The following COX7B2 variants were observed in gnomAD, a reference collection of about 807,000 sequenced individuals.
The protein encoded by COX7B2 is cytochrome c oxidase subunit 7B2, mitochondrial.
For missense variants in COX7B2, 109 were observed against 95.9 expected (o/e 1.14, Z -0.57); for synonymous variants, 37 against 32.1 (o/e 1.15, Z -0.51).
intron 2 of COX7B2, among the ~76,000 whole-genome samples, chr4:46,794,513 T>G (rs541077250): frequency 1.3e-3 from 198 of 152,242 alleles, no homozygotes; most frequent in South Asian, 3.1e-3. Flanking sequence ...AGACATGACT[T>G]TCACCAATAC....
Position 46,858,510 on chromosome 4 carries a change from GA to G in COX7B2, c.-104-13497del, listed in dbSNP as rs796768053. Among the ~76,000 whole-genome samples, 1,257 of 150,372 alleles carry G rather than the reference GA, an allele frequency of 8.4e-3. 21 individuals carry two copies. Among genetic ancestry groups the G allele is most frequent in the African/African-American group, 0.029 (1,199 of 40,970 alleles). On this transcript the variant is annotated intron_variant, in intron 1 of 2. Transcript: ENST00000355591. The stretch of plus-strand genomic sequence containing the variant: ...ATATTTAATACATTTTAAACATTAG[GA>G]AAAAAAAAGAGGAGGAAAGATATAA...
At chr4:46,751,118 A>G (rs1159419433) in intron 2 of COX7B2, among the ~76,000 whole-genome samples, 4 of 148,092 alleles carry the variant, frequency 2.7e-5, no homozygotes, top group Non-Finnish European at 6.0e-5. Context: ...TGGAATAGAC[A>G]TTCCTTCTTC....
chr4:46,762,337 A>G (rs993963458), intron 2 of COX7B2, among the ~76,000 whole-genome samples: 1 of 137,382 alleles, frequency 7.3e-6, no homozygotes, highest in Admixed American at 8.1e-5. Flanking sequence ...CTATATATTA[A>G]TATATATTTA....
At chr4:46,775,862 G>C (rs1254337916) in intron 2 of COX7B2, among the ~76,000 whole-genome samples, 1 of 152,108 alleles carries the variant, frequency 6.6e-6, no homozygotes, top group Non-Finnish European at 1.5e-5. Context: ...TATCTGAGGT[G>C]TTCAAAGAGG....
chr4:46,774,157 G>C (rs1717032194), intron 2 of COX7B2, among the ~76,000 whole-genome samples: 1 of 152,014 alleles, frequency 6.6e-6, no homozygotes, highest in African/African-American at 2.4e-5. Flanking sequence ...CTGTTATTCT[G>C]TTATTCCCTT....
chr4:46,867,976 T>A (rs1156751790), intron 1 of COX7B2, among the ~76,000 whole-genome samples: 1 of 152,212 alleles, frequency 6.6e-6, no homozygotes, highest in Non-Finnish European at 1.5e-5. Flanking sequence ...GTACATCTGG[T>A]AGAATCTGGC....
chr4:46,789,884 C>A (rs1357112649), intron 2 of COX7B2, among the ~76,000 whole-genome samples: 1 of 151,780 alleles, frequency 6.6e-6, no homozygotes. Flanking sequence ...CAAATATTTC[C>A]AATGTAGGTG....
At chr4:46,790,098 AT>A (rs1357280085) in intron 2 of COX7B2, among the ~76,000 whole-genome samples, 4 of 152,142 alleles carry the variant, frequency 2.6e-5, no homozygotes, top group African/African-American at 9.7e-5. Flanking sequence ...ATAATTTTCT[AT>A]CTGCTATCTA....
At chr4:46,830,478 G>C (rs1715003626) in intron 2 of COX7B2, among the ~76,000 whole-genome samples, 1 of 152,076 alleles carries the variant, frequency 6.6e-6, no homozygotes, top group South Asian at 2.1e-4. Flanking sequence ...CTGGGTATTT[G>C]GCATATAATA....
chr4:46,782,073 T>C (rs1440440853), intron 2 of COX7B2, among the ~76,000 whole-genome samples: 1 of 152,192 alleles, frequency 6.6e-6, no homozygotes, highest in Non-Finnish European at 1.5e-5. Flanking sequence ...TGGGCAGCTC[T>C]GCCCATGGCC....
At chr4:46,742,144 C>T (rs1714754481) in intron 2 of COX7B2, among the ~76,000 whole-genome samples, 1 of 152,076 alleles carries the variant, frequency 6.6e-6, no homozygotes, top group Non-Finnish European at 1.5e-5. Context: ...TCAAAAGAAA[C>T]ATTTGGTAGC....
chr4:46,896,868 A>G (rs2109884861), intron 1 of COX7B2, among the ~76,000 whole-genome samples: 1 of 152,318 alleles, frequency 6.6e-6, no homozygotes, highest in East Asian at 1.9e-4. Flanking sequence ...TCTTTCAAGT[A>G]CAGTTGAATG....
intron 2 of COX7B2, among the ~76,000 whole-genome samples, chr4:46,840,609 A>G (rs1320805062): frequency 2.6e-5 from 4 of 152,062 alleles, no homozygotes; most frequent in African/African-American, 9.7e-5. Context: ...GACTGAAGGC[A>G]TGGGCTTCAT....
At chr4:46,818,630 C>CT (rs1223398671) in intron 2 of COX7B2, among the ~76,000 whole-genome samples, 1 of 148,752 alleles carries the variant, frequency 6.7e-6, no homozygotes, top group East Asian at 2.0e-4. Flanking sequence ...GAGCGAGACT[C>CT]TGTCTCAAAA....
intron 2 of COX7B2, among the ~76,000 whole-genome samples, chr4:46,745,489 A>G (rs1274474309): frequency 1.3e-5 from 2 of 152,252 alleles, no homozygotes; most frequent in East Asian, 3.9e-4. Context: ...AGACTTTAAA[A>G]AAACTTTTAA....
chr4:46,842,817 T>C (rs1420302417), intron 2 of COX7B2, among the ~76,000 whole-genome samples: 1 of 152,082 alleles, frequency 6.6e-6, no homozygotes, highest in Non-Finnish European at 1.5e-5. Flanking sequence ...GACATTTAGG[T>C]TGGTTCGAAG....
chr4:46,817,259 C>A (rs961134397), intron 2 of COX7B2, among the ~76,000 whole-genome samples: 2 of 152,064 alleles, frequency 1.3e-5, no homozygotes, highest in Non-Finnish European at 2.9e-5. Context: ...AAGAGTCAGG[C>A]CCTCTGCTAA....
At chr4:46,902,528 C>T (rs1376642727) in intron 1 of COX7B2, among the ~76,000 whole-genome samples, 1 of 152,188 alleles carries the variant, frequency 6.6e-6, no homozygotes, top group Admixed American at 6.5e-5. Flanking sequence ...TGCTTCTTTG[C>T]TTCTTCCATT....
intron 2 of COX7B2, among the ~76,000 whole-genome samples, chr4:46,807,548 C>T (rs1162625818): frequency 6.6e-6 from 1 of 151,426 alleles, no homozygotes; most frequent in Non-Finnish European, 1.5e-5. Flanking sequence ...TTTTTTGTGG[C>T]CTGAGCTTTT....
Sources: gnomAD v4.1 joint callset for allele counts (sites outside exome capture counted in the v4.1 genomes callset) on GRCh38, gnomAD v4.1.1 for gene constraint, MANE v1.5 for transcripts, NCBI Gene and HGNC (gene_info 2026-07-23, HGNC 2026-07-21) for gene names.